Variants in KCTD16 observed in about 807,000 individuals in gnomAD.
KCTD16 encodes the protein potassium channel tetramerization domain containing 16, also known as BTB/POZ domain-containing protein KCTD16.
A neutral mutation model predicts 33.2 loss-of-function variants in KCTD16; 13 were observed. The observed-to-expected ratio is 0.39, with a 90% CI of 0.25 to 0.62. KCTD16 has a LOEUF of 0.62. KCTD16 is among the 20% of genes least tolerant of loss of function. KCTD16 has a pLI of 0.50. For missense variants in KCTD16, 441 were observed against 525.1 expected, an observed-to-expected ratio of 0.84 and a Z score of 1.57; for synonymous variants, 197 against 195.3, an observed-to-expected ratio of 1.01 and a Z score of -0.07.
intron 2 of KCTD16, among the ~76,000 whole-genome samples, chr5:144,178,363 C>G (rs1351106942): frequency 1.3e-5 from 2 of 152,004 alleles, no homozygotes; most frequent in African/African-American, 4.8e-5. Context: ...TTTTAATGTA[C>G]TTAGATATGA....
chr5:144,241,339 GTTT>G (rs998785569), intron 3 of KCTD16, among the ~76,000 whole-genome samples: 1 of 152,114 alleles, frequency 6.6e-6, no homozygotes, highest in Non-Finnish European at 1.5e-5. Flanking sequence ...GAGGTTGAAA[GTTT>G]ACATTGAAAG....
intron 3 of KCTD16, among the ~76,000 whole-genome samples, chr5:144,449,716 T>G (rs1490705662): frequency 6.6e-6 from 1 of 151,996 alleles, no homozygotes; most frequent in Admixed American, 6.6e-5. Context: ...TTGAGAAGTT[T>G]GCTAAGAATA....
At chr5:144,319,430 C>A (rs1561565661) in intron 3 of KCTD16, among the ~76,000 whole-genome samples, 1 of 152,178 alleles carries the variant, frequency 6.6e-6, no homozygotes, top group Non-Finnish European at 1.5e-5. Flanking sequence ...TTCCACCTAG[C>A]TTCCCTAAGG....
intron 3 of KCTD16, among the ~76,000 whole-genome samples, chr5:144,217,325 C>T (rs908625063): frequency 1.3e-5 from 2 of 152,110 alleles, no homozygotes; most frequent in African/African-American, 4.8e-5. Context: ...TTCTAGTCAA[C>T]TAGGTGAGAT....
At chr5:144,219,882 G>C (rs1342005320) in intron 3 of KCTD16, among the ~76,000 whole-genome samples, 1 of 152,130 alleles carries the variant, frequency 6.6e-6, no homozygotes, top group Non-Finnish European at 1.5e-5. Flanking sequence ...GAAACTGAGA[G>C]CAGATGGACC....
intron 3 of KCTD16, among the ~76,000 whole-genome samples, chr5:144,362,298 A>C (rs1751731876): frequency 6.6e-6 from 1 of 152,208 alleles, no homozygotes; most frequent in African/African-American, 2.4e-5. Flanking sequence ...GAAAAAGAGA[A>C]GATAGGTGAT....
At position 144,206,757 on chromosome 5, in the gene KCTD16, C is replaced by T; in HGVS notation, c.43C>T (p.Gln15Ter). Residue 15 changes from glutamine (Q) to a stop codon, truncating the protein, a stop_gained, in exon 3 of 4, where the codon CAA becomes TAA. Transcript: ENST00000512467. LOFTEE classifies it high-confidence loss of function. ...CTGTAGTCGTTATTATCCTCGAGAA[C>T]AAGGGTCCGCAGTTCCCAACTCCTT... ...GNCSRYYPRE[Q>*]GSAVPNSFPE... is the part of the protein sequence containing the mutation. The T allele has an allele frequency of 6.2e-7, 1 of 1,614,060 alleles. No individual in the cohort carries two copies. The highest frequency in any genetic ancestry group is 8.5e-7 in the Non-Finnish European group (1 of 1,179,978).
chr5:144,401,679 C>G (rs1752707411), intron 3 of KCTD16, among the ~76,000 whole-genome samples: 1 of 152,238 alleles, frequency 6.6e-6, no homozygotes, highest in South Asian at 2.1e-4. Flanking sequence ...CCTTTACCAT[C>G]TATCCCATCT....
intron 3 of KCTD16, among the ~76,000 whole-genome samples, chr5:144,343,342 C>T (rs1423840031): frequency 6.6e-6 from 1 of 151,884 alleles, no homozygotes; most frequent in Non-Finnish European, 1.5e-5. Flanking sequence ...TCCATTTCTT[C>T]TAGATTTTCT....
chr5:144,290,992 C>A (rs577541808), intron 3 of KCTD16, among the ~76,000 whole-genome samples: 2 of 152,098 alleles, frequency 1.3e-5, no homozygotes, highest in South Asian at 4.2e-4. Context: ...CAGTGCAAGA[C>A]GTTAAAATAA....
At position 144,483,172 on chromosome 5, in the gene KCTD16, CA is replaced by C. The variant is rs1401471149; in HGVS notation, c.*9062del. 2.0e-5 allele frequency: 3 copies of C among 149,366 alleles called. No homozygotes were observed. Among genetic ancestry groups the C allele is most frequent in the Non-Finnish European group, 4.5e-5 (3 of 67,328 alleles). The allele number at this position is 149,366 out of a possible 1,614,324, so 9.3% of individuals were successfully genotyped here. A position where few individuals can be genotyped will look rare whatever the true frequency, so the allele number is the denominator to read the frequency against. On this transcript the variant is annotated 3_prime_UTR_variant, in exon 4 of 4. Transcript: ENST00000512467. ...AAAAAAAACCAAACCAGAAAAAACC[CA>C]AAACACTACCAAATGAACAGTGATA...
intron 3 of KCTD16, among the ~76,000 whole-genome samples, chr5:144,260,427 G>C (rs1053766026): frequency 6.6e-6 from 1 of 152,172 alleles, no homozygotes; most frequent in African/African-American, 2.4e-5. Context: ...AGATATGATG[G>C]AGAAAGAACA....
At chr5:144,177,212 T>C (rs530016841) in intron 2 of KCTD16, among the ~76,000 whole-genome samples, 1 of 152,336 alleles carries the variant, frequency 6.6e-6, no homozygotes, top group South Asian at 2.1e-4. Context: ...AGAAGGTTAA[T>C]GCTTGAACCA....
chr5:144,323,557 A>G lies in KCTD16; in HGVS notation c.832+116011A>G, dbSNP rs116855106. On this transcript the variant is annotated intron_variant, in intron 3 of 3. Coordinates refer to ENST00000512467, the MANE Select transcript of KCTD16 (RefSeq NM_020768.4). ...CAAAGTCAGGCATGAAAGGAGTCCT[A>G]TGTCTCTTAGGAATCAGCCTGCTCT... 2.4e-4 allele frequency among the ~76,000 whole-genome samples: 36 copies of G among 152,296 alleles called. No individual in the cohort carries two copies. In the East Asian group the frequency reaches 5.2e-3, roughly 22 times the overall value.
intron 3 of KCTD16, among the ~76,000 whole-genome samples, chr5:144,318,578 C>T (rs901166235): frequency 6.6e-6 from 1 of 152,138 alleles, no homozygotes; most frequent in African/African-American, 2.4e-5. Flanking sequence ...CCTGAGATCT[C>T]CCATCAGTTT....
intron 3 of KCTD16, among the ~76,000 whole-genome samples, chr5:144,437,395 A>C (rs1753602695): frequency 6.6e-6 from 1 of 152,158 alleles, no homozygotes. Flanking sequence ...AGGATCCAAA[A>C]GCCTAGTTTC....
rs965123185 is a variant in KCTD16, at chr5:144,476,145, A to G, written c.*2031A>G. ...GGCAATACCATCATCCTAATAACAG[A>G]AGATCTTGCAAAGAATCACAGAGCT... On this transcript the variant is annotated 3_prime_UTR_variant, in exon 4 of 4. Coordinates refer to ENST00000512467, the MANE Select transcript of KCTD16 (RefSeq NM_020768.4). The G allele has an allele frequency of 6.6e-6, 1 of 152,236 alleles. No homozygotes were observed. The highest frequency in any genetic ancestry group is 2.4e-5 in the African/African-American group (1 of 41,470). 9.4% of individuals were successfully genotyped at this position (152,236 alleles called of 1,614,324 possible). A position where few individuals can be genotyped will look rare whatever the true frequency, so the allele number is the denominator to read the frequency against.
chr5:144,374,389 G>C (rs756470900), intron 3 of KCTD16, among the ~76,000 whole-genome samples: 4 of 152,120 alleles, frequency 2.6e-5, no homozygotes, highest in Non-Finnish European at 5.9e-5. Flanking sequence ...AAGACATTTA[G>C]ATCTAGCATT....
At chr5:144,240,454 A>T (rs1037876146) in intron 3 of KCTD16, among the ~76,000 whole-genome samples, 8 of 152,120 alleles carry the variant, frequency 5.3e-5, no homozygotes, top group African/African-American at 1.9e-4. Context: ...AAAATAGTAC[A>T]GAGTCCCTGT....
Sources: allele counts gnomAD v4.1 joint callset (sites outside exome capture counted in the v4.1 genomes callset), GRCh38; gene constraint gnomAD v4.1.1; transcripts MANE v1.5; gene names NCBI Gene and HGNC (gene_info 2026-07-23, HGNC 2026-07-21).